PCDHGC3: variants seen among roughly 807,000 people sequenced by gnomAD.
PCDHGC3 encodes protocadherin gamma-C3.
PCDHGC3 carries 26 observed loss-of-function variants against 59.2 expected under a neutral mutation model. The ratio of observed to expected loss-of-function variants is 0.44; its 90% CI spans 0.32 to 0.61. The LOEUF (loss-of-function observed/expected upper bound fraction) is 0.61. Ranked by LOEUF, PCDHGC3 falls within the 20% of genes least tolerant of loss-of-function variation. The probability of loss-of-function intolerance (pLI) is 0.05; values close to 1 mark genes in which losing one functional copy is unlikely to be tolerated. For missense variants in PCDHGC3, 1,080 were observed against 1,221.8 expected, an observed-to-expected ratio of 0.88 and a Z score of 1.73; for synonymous variants, 487 against 519.7, an observed-to-expected ratio of 0.94 and a Z score of 0.86.
intron 3 of PCDHGC3, among the ~76,000 whole-genome samples, chr5:141,509,069 G>A (rs1463164307): frequency 2.6e-5 from 4 of 152,174 alleles, no homozygotes; most frequent in African/African-American, 9.7e-5. Context: ...CTCAGCTCCG[G>A]GGATTTGCGA....
chr5:141,510,428 G>A (rs1254357998), intron 3 of PCDHGC3, among the ~76,000 whole-genome samples: 2 of 152,092 alleles, frequency 1.3e-5, no homozygotes, highest in African/African-American at 4.8e-5. Flanking sequence ...TGGTTTCATG[G>A]CTGCTGCCCT....
rs1193417991 is a variant in PCDHGC3 at position 141,491,413 on chromosome 5, G to C, written c.2431-3394G>C. 5.0e-6 allele frequency: 8 copies of C among 1,613,946 alleles called. No individual in the cohort carries two copies. Among genetic ancestry groups the C allele is most frequent in the African/African-American group, 1.3e-5 (1 of 74,906 alleles). ...CCTTCAGGGAAACGCAGACGGGGAC[G>C]GGGGTGGAGGGCAGTGCTGCAGGCG... On this transcript the variant is annotated intron_variant, in intron 1 of 3. Transcript: ENST00000308177. The surrounding 1 kb of genome is among the most constrained non-coding windows in gnomAD (Gnocchi z 6.9).
chr5:141,504,496 G>C (rs2099838771), intron 2 of PCDHGC3, among the ~76,000 whole-genome samples: 1 of 152,100 alleles, frequency 6.6e-6, no homozygotes, highest in Non-Finnish European at 1.5e-5. Flanking sequence ...CACCTGCCCA[G>C]TCTGAGTGGA....
chr5:141,486,504 A>G lies in PCDHGC3; in HGVS notation c.2430+7958A>G. ...AGTACCCACAGAACTATTTTCCTCA[A>G]TATTTCAGATGTGAATGATAATCCA... On this transcript the variant is annotated intron_variant, in intron 1 of 3. Transcript: ENST00000308177. The surrounding 1 kb of genome is among the most constrained non-coding windows in gnomAD (Gnocchi z 5.0). 7.4e-6 allele frequency: 12 copies of G among 1,614,100 alleles called. No individual in the cohort carries two copies. Among genetic ancestry groups the G allele is most frequent in the Non-Finnish European group, 1.0e-5 (12 of 1,179,986 alleles).
Position 141,489,623 on chromosome 5 carries a change from A to T in PCDHGC3, c.2431-5184A>T, listed in dbSNP as rs924162827. On this transcript the variant is annotated intron_variant, in intron 1 of 3. Coordinates refer to ENST00000308177, the MANE Select transcript of PCDHGC3 (RefSeq NM_002588.4). This position sits in a 1 kb window ranked among gnomAD's most constrained non-coding sequence, Gnocchi z 4.5. ...GAGGTAGAGATCCTGGATCTCAATG[A>T]CAACTCTCCTAGCTTTGCCACCCCT... is the stretch of plus-strand genomic sequence containing the variant. The T allele has an allele frequency of 6.2e-7, 1 of 1,614,102 alleles. No homozygotes were observed. Among genetic ancestry groups the T allele is most frequent in the Non-Finnish European group, 8.5e-7 (1 of 1,179,996 alleles).
chr5:141,489,150 T>C lies in PCDHGC3; in HGVS notation c.2431-5657T>C. The C allele has an allele frequency of 1.7e-5, 15 of 862,654 alleles. No individual in the cohort carries two copies. Among genetic ancestry groups the C allele is most frequent in the Middle Eastern group, 2.5e-4 (1 of 4,044 alleles). 53.4% of individuals were successfully genotyped at this position (862,654 alleles called of 1,614,324 possible). On this transcript the variant is annotated intron_variant, in intron 1 of 3. Transcript: ENST00000308177. The surrounding 1 kb of genome is among the most constrained non-coding windows in gnomAD (Gnocchi z 4.5). ...GTTTTTAAGAGGCTGGAAGGAGACA[T>C]AAGAGACTTCAGCTGCTGCATTCCA...
rs1486791355 is a variant in PCDHGC3 at position 141,476,804 on chromosome 5, A to G, written c.688A>G (p.Ile230Val). Reference sequence around the variant, plus strand: ...CCCAGCTCTCTCCGCCAGCCTGCCTATTCACATCAAGGTGCTGGACGCGAA... The same window carrying G: ...CCCAGCTCTCTCCGCCAGCCTGCCTGTTCACATCAAGGTGCTGGACGCGAA... Reference protein sequence around the residue: ...GTPALSASLPIHIKVLDANDN... With the variant: ...GTPALSASLPVHIKVLDANDN... Residue 230 changes from isoleucine to valine, a missense_variant, in exon 1 of 4, where the codon ATT becomes GTT. By Grantham distance (29) the Ile-to-Val change is conservative. Coordinates refer to ENST00000308177, the MANE Select transcript of PCDHGC3 (RefSeq NM_002588.4). The surrounding 1 kb of genome is among the most constrained non-coding windows in gnomAD (Gnocchi z 7.6). 5 of 1,613,476 alleles carry G rather than the reference A, an allele frequency of 3.1e-6. No individual in the cohort carries two copies. Among genetic ancestry groups the G allele is most frequent in the South Asian group, 2.2e-5 (2 of 91,080 alleles).
At chr5:141,509,454 G>T (rs1164813611) in intron 3 of PCDHGC3, among the ~76,000 whole-genome samples, 2 of 151,976 alleles carry the variant, frequency 1.3e-5, no homozygotes, top group African/African-American at 2.4e-5. Flanking sequence ...TCCCACCCCC[G>T]ACCCAGTCAG....
intron 1 of PCDHGC3, among the ~76,000 whole-genome samples, chr5:141,481,215 G>T (rs1238465869): frequency 6.6e-6 from 1 of 152,152 alleles, no homozygotes; most frequent in Non-Finnish European, 1.5e-5. Context: ...AACATGGTAA[G>T]GTCTCCCAGC....
chr5:141,490,837 G>A lies in PCDHGC3; in HGVS notation c.2431-3970G>A. On this transcript the variant is annotated intron_variant, in intron 1 of 3. Coordinates refer to ENST00000308177, the MANE Select transcript of PCDHGC3 (RefSeq NM_002588.4). This position sits in a 1 kb window ranked among gnomAD's most constrained non-coding sequence, Gnocchi z 5.4. ...TGAATTGCTGCAGATGCTGCAGATTGTGGTGGGGGTTCGAGACTCCGGCTC... is the reference window on the plus strand; with the variant it reads ...TGAATTGCTGCAGATGCTGCAGATTATGGTGGGGGTTCGAGACTCCGGCTC... The A allele has an allele frequency of 1.9e-6, 3 of 1,613,914 alleles. No homozygotes were observed. The highest frequency in any genetic ancestry group is 2.2e-5 in the South Asian group (2 of 91,072).
rs201857404 is a variant in PCDHGC3, at chr5:141,485,844, G to C, written c.2430+7298G>C. The C allele has an allele frequency of 1.1e-5, 18 of 1,613,772 alleles. No homozygotes were observed. The highest frequency in any genetic ancestry group is 1.4e-5 in the Non-Finnish European group (16 of 1,179,956). ...GATGGAGGGAACCCGCCGAGATCTG[G>C]CACCGCAGAGCTCCGGGTATCCGTG... is the stretch of plus-strand genomic sequence containing the variant. On this transcript the variant is annotated intron_variant, in intron 1 of 3. Transcript: ENST00000308177. This position sits in a 1 kb window ranked among gnomAD's most constrained non-coding sequence, Gnocchi z 5.7.
rs775282798 is a variant in PCDHGC3, at chr5:141,478,305, C to T, written c.2189C>T (p.Pro730Leu). Reference protein sequence around the residue: ...WKQSRDLYRAPVSSLYRTPGP... With the variant: ...WKQSRDLYRALVSSLYRTPGP... The stretch of plus-strand genomic sequence containing the variant: ...CAGTCTAGAGACCTATACCGAGCCC[C>T]GGTGAGCTCACTGTACCGAACACCA... Residue 730 changes from proline (P) to leucine (L), a missense_variant, in exon 1 of 4, where the codon CCG (proline) becomes CTG (leucine). Coordinates refer to ENST00000308177, the MANE Select transcript of PCDHGC3 (RefSeq NM_002588.4). 2.5e-6 allele frequency: 4 copies of T among 1,614,092 alleles called. No homozygotes were observed. The highest frequency in any genetic ancestry group is 2.2e-5 in the East Asian group (1 of 44,882).
chr5:141,482,562 C>A (rs1030078543), intron 1 of PCDHGC3, among the ~76,000 whole-genome samples: 68 of 142,616 alleles, frequency 4.8e-4, no homozygotes, highest in African/African-American at 1.8e-3. Flanking sequence ...TAATGGAGAT[C>A]TGCATAGCAT....
intron 1 of PCDHGC3, among the ~76,000 whole-genome samples, chr5:141,482,144 G>C (rs564178008): frequency 1.3e-4 from 20 of 151,858 alleles, no homozygotes; most frequent in Admixed American, 9.8e-4. Flanking sequence ...GGCATAAAAA[G>C]GTCAAGTCAA....
Position 141,478,323 on chromosome 5 carries a change from G to A in PCDHGC3, c.2207G>A (p.Arg736Gln). Residue 736 changes from arginine to glutamine, a missense_variant, in exon 1 of 4, where the codon CGA becomes CAA. Physicochemically the swap from Arg to Gln is conservative, Grantham distance 43. Coordinates refer to ENST00000308177, the MANE Select transcript of PCDHGC3 (RefSeq NM_002588.4). ...LYRAPVSSLYRTPGPSLHADA... is the reference protein window; with the variant it reads ...LYRAPVSSLYQTPGPSLHADA... ...CGAGCCCCGGTGAGCTCACTGTACC[G>A]AACACCAGGGCCCTCCTTGCACGCG... 2 of 1,613,958 alleles carry A rather than the reference G, an allele frequency of 1.2e-6. No homozygotes were observed. Among genetic ancestry groups the A allele is most frequent in the Non-Finnish European group, 8.5e-7 (1 of 1,180,008 alleles).
At chr5:141,508,835 C>T (rs1190105775) in intron 3 of PCDHGC3, among the ~76,000 whole-genome samples, 12 of 152,158 alleles carry the variant, frequency 7.9e-5, no homozygotes, top group African/African-American at 2.9e-4. Flanking sequence ...CCCCCCTCCC[C>T]TACCCCTTCC....
intron 2 of PCDHGC3, among the ~76,000 whole-genome samples, chr5:141,498,371 C>T (rs188547878): frequency 6.6e-6 from 1 of 151,838 alleles, no homozygotes; most frequent in Admixed American, 6.6e-5. Flanking sequence ...TGTGGTGAGG[C>T]CTCCTGGGAT....
At chr5:141,510,277 A>C (rs1242709133) in intron 3 of PCDHGC3, among the ~76,000 whole-genome samples, 5 of 151,916 alleles carry the variant, frequency 3.3e-5, no homozygotes, top group Admixed American at 2.6e-4. Flanking sequence ...CATCTTAAAA[A>C]AAAAAAAAAA....
Position 141,490,575 on chromosome 5 carries a change from A to G in PCDHGC3, c.2431-4232A>G. 2 of 1,614,140 alleles carry G rather than the reference A, an allele frequency of 1.2e-6. No individual in the cohort carries two copies. The highest frequency in any genetic ancestry group is 2.2e-5 in the East Asian group (1 of 44,876). Reference sequence around the variant, plus strand: ...ATCTCACCATCAGGCTCAACATTTCAGATGTCAATGACAATGCACCCCGCT... The same window carrying G: ...ATCTCACCATCAGGCTCAACATTTCGGATGTCAATGACAATGCACCCCGCT... On this transcript the variant is annotated intron_variant, in intron 1 of 3. Transcript: ENST00000308177. This position sits in a 1 kb window ranked among gnomAD's most constrained non-coding sequence, Gnocchi z 5.4.
Sources: allele counts gnomAD v4.1 joint callset (sites outside exome capture counted in the v4.1 genomes callset), GRCh38; gene constraint gnomAD v4.1.1; non-coding constraint Gnocchi (gnomAD v3.1); transcripts MANE v1.5; gene names NCBI Gene and HGNC (gene_info 2026-07-23, HGNC 2026-07-21).